Variants in SHISAL1 observed in about 807,000 individuals in gnomAD.
SHISAL1 encodes protein shisa-like-1.
Under a neutral mutation model 22.6 loss-of-function variants are expected in SHISAL1, and 9 were observed. That is an observed-to-expected ratio of 0.40 (90% CI 0.24 to 0.70). The LOEUF is 0.70. SHISAL1 is among the 30% of genes least tolerant of loss of function. SHISAL1 has a pLI of 0.39. For synonymous variants in SHISAL1, 119 were observed against 115.4 expected (o/e 1.03, Z -0.20); for missense variants, 246 against 270.6 (o/e 0.91, Z 0.64).
chr22:44,329,707 C>T, the SHISAL1 span, among the ~76,000 whole-genome samples: 1 of 152,220 alleles, frequency 6.6e-6, no homozygotes, highest in Non-Finnish European at 1.5e-5. Flanking sequence ...AGACGAGGTG[C>T]TTGCAGAGAA....
intron 4 of SHISAL1, among the ~76,000 whole-genome samples, chr22:44,278,643 T>C (rs2055256178): frequency 6.6e-6 from 1 of 152,088 alleles, no homozygotes; most frequent in Non-Finnish European, 1.5e-5. Context: ...CCTGAACCTT[T>C]GGGGGTACAG....
chr22:44,319,457 A>G, the SHISAL1 span, among the ~76,000 whole-genome samples: 1 of 152,338 alleles, frequency 6.6e-6, no homozygotes, highest in East Asian at 1.9e-4. Context: ...CCACTCCCTG[A>G]AATGAAACCA....
At chr22:44,255,258 C>A (rs1601775340) in intron 4 of SHISAL1, among the ~76,000 whole-genome samples, 1 of 152,006 alleles carries the variant, frequency 6.6e-6, no homozygotes, top group Admixed American at 6.6e-5. Flanking sequence ...TGACTTTTGA[C>A]CCTCAAACTC....
intron 3 of SHISAL1, among the ~76,000 whole-genome samples, chr22:44,287,039 GGCA>G (rs1443724563): frequency 7.2e-5 from 11 of 151,956 alleles, no homozygotes; most frequent in Non-Finnish European, 1.6e-4. Context: ...AGGTCTCGCG[GGCA>G]GCAGATCCTT....
intron 4 of SHISAL1, among the ~76,000 whole-genome samples, chr22:44,264,631 A>G (rs1393260823): frequency 6.6e-6 from 1 of 152,182 alleles, no homozygotes; most frequent in Non-Finnish European, 1.5e-5. Context: ...AATGTGGCCC[A>G]AGATGTTTAA....
chr22:44,252,172 G>C (rs2055052315), intron 4 of SHISAL1, among the ~76,000 whole-genome samples: 1 of 152,118 alleles, frequency 6.6e-6, no homozygotes, highest in South Asian at 2.1e-4. Flanking sequence ...GAAGCAGGGA[G>C]GTGATATAAG....
upstream of SHISAL1, among the ~76,000 whole-genome samples, chr22:44,313,995 G>A (rs62230310): frequency 0.26 from 39,863 of 152,084 alleles, 5,722 homozygotes; most frequent in Non-Finnish European, 0.32. Context: ...CGCCCAGAGT[G>A]CCTGATGCAG....
Position 44,249,809 on chromosome 22 carries a change from T to C in SHISAL1, c.*-124A>G, listed in dbSNP as rs1005762641. 8.5e-6 allele frequency: 6 copies of C among 706,182 alleles called. No homozygotes were observed. The African/African-American group carries it at 8.8e-5, about 10-fold the overall frequency. 43.7% of individuals were successfully genotyped at this position (706,182 alleles called of 1,614,324 possible). A position where few individuals can be genotyped will look rare whatever the true frequency, so the allele number is the denominator to read the frequency against. On this transcript the variant is annotated intron_variant, in intron 4 of 4. Coordinates refer to ENST00000381176, the MANE Select transcript of SHISAL1 (RefSeq NM_001099294.2). ...GCATGTGGGTTTTGTCTTCTGAACA[T>C]TGCGAACCATGTGACTTTAAGACTG...
chr22:44,262,074 C>G (rs575604118), intron 4 of SHISAL1, among the ~76,000 whole-genome samples: 1 of 152,234 alleles, frequency 6.6e-6, no homozygotes, highest in Non-Finnish European at 1.5e-5. Flanking sequence ...GACCCTGAAA[C>G]AAGAGCAGCA....
chr22:44,319,029 T>A, the SHISAL1 span, among the ~76,000 whole-genome samples: 1 of 152,258 alleles, frequency 6.6e-6, no homozygotes, highest in Non-Finnish European at 1.5e-5. Context: ...GGTCCCGTTG[T>A]ACCATGGCTT....
chr22:44,268,816 C>T (rs528114050), intron 4 of SHISAL1, among the ~76,000 whole-genome samples: 22 of 152,258 alleles, frequency 1.4e-4, no homozygotes, highest in East Asian at 7.7e-4. Flanking sequence ...GGGACTGATC[C>T]ACTCTGTATC....
At chr22:44,308,077 T>C (rs1292007462) in intron 1 of SHISAL1, among the ~76,000 whole-genome samples, 8 of 152,210 alleles carry the variant, frequency 5.3e-5, no homozygotes, top group Non-Finnish European at 1.0e-4. Flanking sequence ...TCGAGCCCTC[T>C]GCCTGGGACC....
chr22:44,296,739 T>C lies in SHISAL1; in HGVS notation c.214A>G (p.Asn72Asp), dbSNP rs753015794. The C allele has an allele frequency of 6.2e-7, 1 of 1,614,192 alleles. No individual in the cohort carries two copies. The highest frequency in any genetic ancestry group is 8.5e-7 in the Non-Finnish European group (1 of 1,180,046). ...ATCACCGCCTGGAACTCCGTCTCGT[T>C]GCAGCAGTATTTGAAGACCGTGTTG... ...HNNTVFKYCC[N>D]ETEFQAVMQA... Residue 72 changes from asparagine (N) to aspartate (D), a missense_variant, in exon 3 of 5, where the codon AAC becomes GAC. Asn to Asp is a conservative substitution (Grantham distance 23). Transcript: ENST00000381176.
At chr22:44,275,158 G>A (rs2055230990) in intron 4 of SHISAL1, among the ~76,000 whole-genome samples, 2 of 152,208 alleles carry the variant, frequency 1.3e-5, no homozygotes, top group South Asian at 4.1e-4. Context: ...GCCCTCCTCT[G>A]GTGGGGAGTG....
chr22:44,258,693 G>A (rs2055101103), intron 4 of SHISAL1, among the ~76,000 whole-genome samples: 1 of 152,158 alleles, frequency 6.6e-6, no homozygotes, highest in Non-Finnish European at 1.5e-5. Flanking sequence ...TGTATACATA[G>A]GCTTCCATAC....
rs932319652 is a variant in SHISAL1 at position 44,263,829 on chromosome 22, G to C, written c.*-14144C>G. On this transcript the variant is annotated intron_variant, in intron 4 of 4. Transcript: ENST00000381176. ...TGATGCCTTGACATGAAGTGTTCAT[G>C]AGTCTCCTTTCCAACTGCTGTCCTC... is the stretch of plus-strand genomic sequence containing the variant. 2.6e-5 allele frequency among the ~76,000 whole-genome samples: 4 copies of C among 152,338 alleles called. No homozygotes were observed. In the South Asian group the frequency reaches 8.3e-4, roughly 32 times the overall value.
chr22:44,284,882 C>T lies in SHISAL1; in HGVS notation c.599+546G>A, dbSNP rs564443927. 8.6e-5 allele frequency among the ~76,000 whole-genome samples: 13 copies of T among 150,690 alleles called. 1 individual carries two copies. In the South Asian group the frequency reaches 2.8e-3, roughly 32 times the overall value. ...CACAAGGCCAACCCTTGAGATGCCACCTCTCTGCCTTCCTGCCTTCCTTCC... is the reference window on the plus strand; with the variant it reads ...CACAAGGCCAACCCTTGAGATGCCATCTCTCTGCCTTCCTGCCTTCCTTCC... On this transcript the variant is annotated intron_variant, in intron 4 of 4. Coordinates refer to ENST00000381176, the MANE Select transcript of SHISAL1 (RefSeq NM_001099294.2).
chr22:44,328,479 A>G, the SHISAL1 span, among the ~76,000 whole-genome samples: 3 of 152,086 alleles, frequency 2.0e-5, no homozygotes, highest in African/African-American at 4.8e-5. Flanking sequence ...GGAGGGTGCA[A>G]TTGTGAGCCT....
rs373928653 is a variant in SHISAL1 at position 44,272,450 on chromosome 22, C to T, written c.599+12978G>A. Among the ~76,000 whole-genome samples the T allele has an allele frequency of 6.2e-4, 94 of 152,332 alleles. 2 individuals carry two copies. Among genetic ancestry groups the T allele is most frequent in the Non-Finnish European group, 4.1e-4 (28 of 68,032 alleles). ...ATCTTTCTGTTCCCAGCACTTAACA[C>T]GGGGCATGGCCTGCAGCCAGCCCTC... On this transcript the variant is annotated intron_variant, in intron 4 of 4. Coordinates refer to ENST00000381176, the MANE Select transcript of SHISAL1 (RefSeq NM_001099294.2).
Sources: gnomAD v4.1 joint callset for allele counts (sites outside exome capture counted in the v4.1 genomes callset) on GRCh38, gnomAD v4.1.1 for gene constraint, MANE v1.5 for transcripts, NCBI Gene and HGNC (gene_info 2026-07-23, HGNC 2026-07-21) for gene names.